Variants in XKR4 observed in about 807,000 individuals in gnomAD.
XKR4 encodes the protein XK related 4, also known as XK-related protein 4.
In XKR4, 12 loss-of-function variants were observed where a neutral mutation model predicts 53.9. The observed-to-expected ratio is 0.22, with a 90% confidence interval of 0.14 to 0.36. XKR4 has a LOEUF of 0.36. XKR4 is among the 10% of genes least tolerant of loss of function. XKR4 has a pLI of 1.00. For synonymous variants in XKR4, 354 were observed against 362.4 expected, an observed-to-expected ratio of 0.98 and a Z score of 0.26; for missense variants, 799 against 859.5, an observed-to-expected ratio of 0.93 and a Z score of 0.88.
intron 2 of XKR4, among the ~76,000 whole-genome samples, chr8:55,457,100 G>A (rs1426419955): frequency 2.0e-5 from 3 of 150,104 alleles, no homozygotes; most frequent in Non-Finnish European, 4.4e-5. Context: ...TGAAGACCAG[G>A]AAGCAGTAAA....
chr8:55,510,464 A>G (rs1022437534), intron 2 of XKR4, among the ~76,000 whole-genome samples: 1 of 152,126 alleles, frequency 6.6e-6, no homozygotes, highest in Non-Finnish European at 1.5e-5. Flanking sequence ...TTTTAATTAC[A>G]AACTAAAAAC....
intron 1 of XKR4, among the ~76,000 whole-genome samples, chr8:55,226,208 C>T (rs1297842133): frequency 6.6e-6 from 1 of 152,144 alleles, no homozygotes; most frequent in Non-Finnish European, 1.5e-5. Flanking sequence ...TTTGAAGATT[C>T]ATGAAAGGAA....
intron 1 of XKR4, among the ~76,000 whole-genome samples, chr8:55,280,820 C>T (rs1375224568): frequency 2.0e-5 from 3 of 152,068 alleles, no homozygotes; most frequent in Non-Finnish European, 4.4e-5. Flanking sequence ...ACTAAATGCC[C>T]ATTCTATACG....
chr8:55,145,846 C>T (rs543211147), intron 1 of XKR4, among the ~76,000 whole-genome samples: 8 of 152,110 alleles, frequency 5.3e-5, no homozygotes, highest in Non-Finnish European at 1.0e-4. Context: ...CATAGCAGCC[C>T]GCCAGTTCAC....
intron 1 of XKR4, among the ~76,000 whole-genome samples, chr8:55,326,683 C>G (rs2129380173): frequency 6.6e-6 from 1 of 151,766 alleles, no homozygotes; most frequent in African/African-American, 2.4e-5. Flanking sequence ...GTTGCCCAAG[C>G]TGGTTTCAAA....
chr8:55,511,696 T>TA, intron 2 of XKR4, among the ~76,000 whole-genome samples: 1 of 152,252 alleles, frequency 6.6e-6, no homozygotes, highest in Non-Finnish European at 1.5e-5. Context: ...CATAGGCCTT[T>TA]AAGCCAATAA....
At position 55,102,709 on chromosome 8, in the gene XKR4, C is replaced by G. The variant is rs1428446803; in HGVS notation, c.221C>G (p.Ser74Cys). The change falls in exon 1 of 3, where the codon TCC (serine) becomes TGC (cysteine). Residue 74 changes from serine to cysteine, a missense_variant. By Grantham distance (112) the Ser-to-Cys change is moderately radical. This residue lies in a region of XKR4 where 476 missense variants were observed against 505.4 expected (regional missense o/e 0.94). Transcript: ENST00000327381. The surrounding 1 kb of genome is among the most constrained non-coding windows in gnomAD (Gnocchi z 5.1). ...TGCTGCTGCGCCGGGAGTGGCGGCT[C>G]CGCGGGCTCGGGCGGCTCCGGCGGC... is the stretch of plus-strand genomic sequence containing the variant. ...CCCCCAGSGG[S>C]AGSGGSGGVA... The G allele has an allele frequency of 8.7e-7, 1 of 1,151,370 alleles. No homozygotes were observed. The highest frequency in any genetic ancestry group is 1.6e-5 in the African/African-American group (1 of 60,644). 71.3% of individuals were successfully genotyped at this position (1,151,370 alleles called of 1,614,324 possible).
chr8:55,153,253 G>A (rs556300752), intron 1 of XKR4, among the ~76,000 whole-genome samples: 1 of 152,284 alleles, frequency 6.6e-6, no homozygotes, highest in East Asian at 1.9e-4. Flanking sequence ...GTCCAACTGA[G>A]TTATAGAAAA....
intron 1 of XKR4, among the ~76,000 whole-genome samples, chr8:55,351,320 C>T (rs1450138366): frequency 3.9e-5 from 6 of 152,064 alleles, no homozygotes; most frequent in African/African-American, 7.2e-5. Context: ...TTATGTGAAA[C>T]TCTGTGAAAC....
Position 55,187,956 on chromosome 8 carries a change from T to C in XKR4, c.806+84662T>C, listed in dbSNP as rs565306500. ...ATTTAAAGATTGAGTTTTCTCTATG[T>C]ACTTGGAAATTTAAGTGCTTTTTTT... On this transcript the variant is annotated intron_variant, in intron 1 of 2. Coordinates refer to ENST00000327381, the MANE Select transcript of XKR4 (RefSeq NM_052898.2). 2.6e-5 allele frequency among the ~76,000 whole-genome samples: 4 copies of C among 152,386 alleles called. No homozygotes were observed. In the East Asian group the frequency reaches 7.7e-4, roughly 29 times the overall value.
intron 1 of XKR4, among the ~76,000 whole-genome samples, chr8:55,270,682 A>T (rs145056413): frequency 6.6e-6 from 1 of 152,326 alleles, no homozygotes; most frequent in East Asian, 1.9e-4. Context: ...TGTAAGCTAA[A>T]CTGCTTTAAC....
intron 1 of XKR4, among the ~76,000 whole-genome samples, chr8:55,306,268 T>G (rs906445449): frequency 6.6e-6 from 1 of 152,208 alleles, no homozygotes; most frequent in African/African-American, 2.4e-5. Context: ...TACTTTGCTA[T>G]TTAGCATCTC....
rs1819203366 is a variant in XKR4 at position 55,301,798 on chromosome 8, T to G, written c.807-55880T>G. Among the ~76,000 whole-genome samples, 3 of 152,252 alleles carry G rather than the reference T, an allele frequency of 2.0e-5. No individual in the cohort carries two copies. The South Asian group carries it at 6.2e-4, about 32-fold the overall frequency. ...TTTTGGCTGCATAAATGTCTTCTTT[T>G]GAGAAGTGTCTGTTCATATCCTTTG... On this transcript the variant is annotated intron_variant, in intron 1 of 2. Transcript: ENST00000327381.
intron 1 of XKR4, among the ~76,000 whole-genome samples, chr8:55,337,436 T>C (rs1471509483): frequency 6.6e-6 from 1 of 152,246 alleles, no homozygotes; most frequent in Non-Finnish European, 1.5e-5. Context: ...ATCAGGGCCA[T>C]GTTTCTCAAC....
intron 2 of XKR4, among the ~76,000 whole-genome samples, chr8:55,369,905 T>G (rs1804049694): frequency 2.0e-5 from 3 of 152,144 alleles, no homozygotes; most frequent in Admixed American, 6.5e-5. Context: ...CTTTAAGAAC[T>G]AAATCTCAGC....
chr8:55,198,266 T>C (rs1817530782), intron 1 of XKR4, among the ~76,000 whole-genome samples: 2 of 152,326 alleles, frequency 1.3e-5, no homozygotes, highest in Admixed American at 1.3e-4. Flanking sequence ...TGACTGGTTG[T>C]GACAATGACA....
At chr8:55,491,034 C>G (rs1275619293) in intron 2 of XKR4, among the ~76,000 whole-genome samples, 2 of 151,440 alleles carry the variant, frequency 1.3e-5, no homozygotes, top group Non-Finnish European at 2.9e-5. Flanking sequence ...GCCTTTTTCT[C>G]TCTGTGCTTC....
chr8:55,383,820 C>G (rs1337141785), intron 2 of XKR4, among the ~76,000 whole-genome samples: 1 of 151,966 alleles, frequency 6.6e-6, no homozygotes, highest in Non-Finnish European at 1.5e-5. Flanking sequence ...AATAACTTGT[C>G]TAAGGTTATA....
intron 2 of XKR4, among the ~76,000 whole-genome samples, chr8:55,442,878 G>GA (rs1192384933): frequency 6.6e-6 from 1 of 152,152 alleles, no homozygotes; most frequent in South Asian, 2.1e-4. Context: ...AGGGGGTGAT[G>GA]AAAATGTTCT....
Sources: allele counts gnomAD v4.1 joint callset (sites outside exome capture counted in the v4.1 genomes callset), GRCh38; gene constraint gnomAD v4.1.1; regional missense constraint gnomAD v4.1.1; non-coding constraint Gnocchi (gnomAD v3.1); transcripts MANE v1.5; gene names NCBI Gene and HGNC (gene_info 2026-07-23, HGNC 2026-07-21).